LRBA: variants seen among roughly 807,000 people sequenced by gnomAD.
LRBA encodes LPS responsive beige-like anchor protein, also known as lipopolysaccharide-responsive and beige-like anchor protein.
Under a neutral mutation model 330.0 loss-of-function variants are expected in LRBA, and 176 were observed. The observed-to-expected ratio is 0.53, with a 90% CI of 0.47 to 0.60. The LOEUF (loss-of-function observed/expected upper bound fraction) is 0.60. LRBA is among the 20% of genes least tolerant of loss of function. LRBA has a pLI of 0.00. For missense variants in LRBA, 3,259 were observed against 3,444.8 expected, an observed-to-expected ratio of 0.95 and a Z score of 1.35; for synonymous variants, 1,230 against 1,193.0, an observed-to-expected ratio of 1.03 and a Z score of -0.64.
At chr4:150,818,809 G>C (rs779137983) in intron 30 of LRBA, among the ~76,000 whole-genome samples, 8 of 152,054 alleles carry the variant, frequency 5.3e-5, no homozygotes, top group South Asian at 2.1e-4. Flanking sequence ...GGACTGAATT[G>C]AGCAATAGAA....
chr4:150,403,548 CCCCTTCTCCTTT>C (rs911564856), intron 47 of LRBA, among the ~76,000 whole-genome samples: 15 of 152,066 alleles, frequency 9.9e-5, no homozygotes, highest in African/African-American at 3.1e-4. Context: ...TCTTCTTCTT[CCCCTTCTCCTTT>C]CCCTTCTCCT....
intron 40 of LRBA, among the ~76,000 whole-genome samples, chr4:150,535,188 G>A (rs1345819760): frequency 6.6e-6 from 1 of 152,118 alleles, no homozygotes; most frequent in Non-Finnish European, 1.5e-5. Context: ...GGCTAGAGGG[G>A]AGTGGTGCAA....
At chr4:150,906,470 T>C (rs1383469197) in intron 11 of LRBA, 65 bp from the exon 12 acceptor site, 2 of 883,304 alleles carry the variant, frequency 2.3e-6, no homozygotes, top group East Asian at 5.0e-5. Flanking sequence ...TTAGGTTAGA[T>C]AGATGTAACC....
At position 150,876,426 on chromosome 4, in the gene LRBA, T is replaced by C. The variant is rs183384450; in HGVS notation, c.2166-3671A>G. 6.3e-3 allele frequency among the ~76,000 whole-genome samples: 945 copies of C among 150,396 alleles called. 8 individuals are homozygous for C. The highest frequency in any genetic ancestry group is 0.022 in the African/African-American group (897 of 40,194). On this transcript the variant is annotated intron_variant, in intron 17 of 56. Transcript: ENST00000651943. Reference sequence around the variant, plus strand: ...CATATAGTCACCAGACTGCCCAAGATCAATATTAAAGAAAAAATCTTAAAG... The same window carrying C: ...CATATAGTCACCAGACTGCCCAAGACCAATATTAAAGAAAAAATCTTAAAG...
intron 56 of LRBA, among the ~76,000 whole-genome samples, chr4:150,275,534 A>G (rs1013376844): frequency 2.0e-5 from 3 of 152,188 alleles, no homozygotes; most frequent in Non-Finnish European, 2.9e-5. Flanking sequence ...AGAAAACCCC[A>G]GCATCTCAGC....
chr4:150,818,719 AG>A (rs1217732732), intron 30 of LRBA, among the ~76,000 whole-genome samples: 1 of 152,030 alleles, frequency 6.6e-6, no homozygotes, highest in Non-Finnish European at 1.5e-5. Flanking sequence ...GGGAGGGAGG[AG>A]AAATATGAAG....
At position 150,583,714 on chromosome 4, in the gene LRBA, G is replaced by C. The variant is rs747066516; in HGVS notation, c.6330+4334C>G. On this transcript the variant is annotated intron_variant, in intron 40 of 56. Coordinates refer to ENST00000651943, the MANE Select transcript of LRBA (RefSeq NM_001364905.1). This position sits in a 1 kb window ranked among gnomAD's most constrained non-coding sequence, Gnocchi z 9.8. ...CAAGCAGAGCTCGGCAGAGAGCGAC[G>C]CCTGGGTGCTACAGTTCGGGGAGGC... 6.2e-7 allele frequency: 1 copy of C among 1,613,478 alleles called. No individual in the cohort carries two copies.
In LRBA at chr4:150,921,264, C is replaced by T. The variant is rs962359564; in HGVS notation, c.579G>A (p.Val193=). 4 of 1,612,574 alleles carry T rather than the reference C, an allele frequency of 2.5e-6. No individual in the cohort carries two copies. The highest frequency in any genetic ancestry group is 3.4e-6 in the Non-Finnish European group (4 of 1,178,792). ...WPPHAGKLLS[V]LKHMPQKYGP... is the part of the protein sequence containing the mutation. ...CATACTTCTGAGGCATATGCTTTAA[C>T]ACAGACAGCAACTTCCCAGCATGTG... The change falls in exon 5 of 57, where the codon GTG becomes GTA. Residue 193 remains valine (V), a synonymous_variant. Transcript: ENST00000651943.
chr4:151,002,195 G>GAAAAAAAA (rs1743433051), intron 2 of LRBA, among the ~76,000 whole-genome samples: 2 of 7,844 alleles, frequency 2.5e-4, no homozygotes, highest in African/African-American at 3.8e-4. Flanking sequence ...ACATAAAACA[G>GAAAAAAAA]CAAAAAAAAA....
Position 150,849,692 on chromosome 4 carries a change from A to T in LRBA, c.4005-117T>A. 8.0e-6 allele frequency: 6 copies of T among 747,948 alleles called. No individual in the cohort carries two copies. The South Asian group carries it at 8.5e-5, about 11-fold the overall frequency. 46.3% of individuals were successfully genotyped at this position (747,948 alleles called of 1,614,324 possible). A position where few individuals can be genotyped will look rare whatever the true frequency, so the allele number is the denominator to read the frequency against. ...TTGCTTCATCTTGAAAACTGAAGGA[A>T]GATGATGCAGCAGGCATTTGGAGGG... On this transcript the variant is annotated intron_variant, in intron 24 of 56. Coordinates refer to ENST00000651943, the MANE Select transcript of LRBA (RefSeq NM_001364905.1).
At chr4:150,817,064 A>T in intron 31 of LRBA, 60 bp downstream of exon 31, 1 of 1,511,250 alleles carries the variant, frequency 6.6e-7, no homozygotes, top group Middle Eastern at 1.7e-4. Flanking sequence ...CAAAAATCTT[A>T]AGCGTTGCTA....
intron 2 of LRBA, among the ~76,000 whole-genome samples, chr4:150,989,902 T>C (rs1168236005): frequency 6.6e-6 from 1 of 151,814 alleles, no homozygotes; most frequent in Non-Finnish European, 1.5e-5. Flanking sequence ...GGTGGGATAA[T>C]GGCTTAAGGC....
intron 31 of LRBA, among the ~76,000 whole-genome samples, chr4:150,809,872 TACGATACGATAC>T (rs1743393485): frequency 1.1e-4 from 14 of 123,938 alleles, no homozygotes; most frequent in African/African-American, 4.0e-4. Context: ...TACGATACGA[TACGATACGATAC>T]GATACGATAC....
At chr4:150,738,387 G>A (rs976112324) in intron 35 of LRBA, among the ~76,000 whole-genome samples, 5 of 152,048 alleles carry the variant, frequency 3.3e-5, no homozygotes, top group African/African-American at 9.7e-5. Flanking sequence ...AAACCTAAGA[G>A]GGTAGAGGAA....
At chr4:150,520,336 T>A (rs951366122) in intron 40 of LRBA, among the ~76,000 whole-genome samples, 1 of 152,180 alleles carries the variant, frequency 6.6e-6, no homozygotes, top group Admixed American at 6.5e-5. Flanking sequence ...ATCTTTATAA[T>A]ACTGAGTCTT....
chr4:150,747,642 TC>T (rs1260658722), intron 35 of LRBA, among the ~76,000 whole-genome samples: 7 of 152,194 alleles, frequency 4.6e-5, no homozygotes, highest in Non-Finnish European at 7.3e-5. Flanking sequence ...TTCTTAAGGT[TC>T]TTAAAACATT....
At chr4:150,794,770 G>A (rs1188510236) in intron 34 of LRBA, among the ~76,000 whole-genome samples, 4 of 152,110 alleles carry the variant, frequency 2.6e-5, no homozygotes, top group African/African-American at 9.6e-5. Flanking sequence ...CAGGATGCCA[G>A]TCCAGACTAC....
At chr4:150,567,878 A>G (rs1009279210) in intron 40 of LRBA, among the ~76,000 whole-genome samples, 1 of 152,212 alleles carries the variant, frequency 6.6e-6, no homozygotes, top group Non-Finnish European at 1.5e-5. Context: ...AAATAACTTG[A>G]TATCTGCCTT....
chr4:150,536,266 C>T (rs1488913755), intron 40 of LRBA, among the ~76,000 whole-genome samples: 1 of 152,088 alleles, frequency 6.6e-6, no homozygotes, highest in Non-Finnish European at 1.5e-5. Flanking sequence ...AAAGAGGACA[C>T]ATTTAAATAT....
Sources: gnomAD v4.1 joint callset for allele counts (sites outside exome capture counted in the v4.1 genomes callset) on GRCh38, gnomAD v4.1.1 for gene constraint, Gnocchi (gnomAD v3.1) non-coding constraint, MANE v1.5 for transcripts, NCBI Gene and HGNC (gene_info 2026-07-23, HGNC 2026-07-21) for gene names.